Variants in LBP observed in about 807,000 individuals in gnomAD.
The protein encoded by LBP is lipopolysaccharide binding protein, also known as lipopolysaccharide-binding protein.
LBP carries 53 observed loss-of-function variants against 56.6 expected under a neutral mutation model. That is an observed-to-expected ratio of 0.94 (90% CI 0.75 to 1.18). The LOEUF is 1.18. Ranked by LOEUF, LBP falls within the 50% of genes most tolerant of loss-of-function variation. The pLI, the probability that LBP is intolerant of heterozygous loss-of-function variation, is 0.00. For synonymous variants in LBP, 227 were observed against 247.5 expected, an observed-to-expected ratio of 0.92 and a Z score of 0.78; for missense variants, 601 against 598.3, an observed-to-expected ratio of 1.00 and a Z score of -0.05.
At chr20:38,374,610 A>G (rs2076911710) in intron 14 of LBP, among the ~76,000 whole-genome samples, 1 of 150,418 alleles carries the variant, frequency 6.6e-6, no homozygotes, top group African/African-American at 2.4e-5. Flanking sequence ...AAAAAAAAAG[A>G]AAGAAAAAAA....
intron 8 of LBP, 27 bp downstream of exon 8, chr20:38,364,779 C>CAAATGAA: frequency 6.3e-7 from 1 of 1,577,994 alleles, no homozygotes; most frequent in Non-Finnish European, 8.6e-7. Flanking sequence ...ACAGGTCTCT[C>CAAATGAA]AAATGAACAC....
rs768066984 is a variant in LBP at position 38,369,074 on chromosome 20, G to A, written c.1061G>A (p.Gly354Glu). Residue 354 changes from glycine to glutamate, a missense_variant, in exon 10 of 15, where the codon GGG (glycine) becomes GAG (glutamate). Transcript: ENST00000217407. ...PSAPLLNFSP[G>E]NLSVDPYMEI... The stretch of plus-strand genomic sequence containing the variant: ...GCTCCGCTCCTGAACTTCAGCCCTG[G>A]GAATCTGTCTGTGGACCCCTATATG... 1 of 1,614,138 alleles carries A rather than the reference G, an allele frequency of 6.2e-7. No homozygotes were observed. The highest frequency in any genetic ancestry group is 1.7e-5 in the Admixed American group (1 of 60,020).
chr20:38,369,738 C>A (rs1434777149), intron 10 of LBP, among the ~76,000 whole-genome samples: 1 of 152,194 alleles, frequency 6.6e-6, no homozygotes, highest in Non-Finnish European at 1.5e-5. Flanking sequence ...GTGGATACAG[C>A]CTCCTGTCTC....
At chr20:38,376,492 C>G in intron 14 of LBP, 133 bp from the exon 15 acceptor site, 1 of 795,150 alleles carries the variant, frequency 1.3e-6, no homozygotes, top group Non-Finnish European at 2.2e-6. Context: ...GAGGCACACT[C>G]GCAATTTATG....
intron 12 of LBP, among the ~76,000 whole-genome samples, chr20:38,371,988 A>G (rs2076902386): frequency 6.6e-6 from 1 of 152,236 alleles, no homozygotes; most frequent in South Asian, 2.1e-4. Context: ...AAGACTGGCA[A>G]GGAGGGTTGT....
chr20:38,369,361 CCCCATTAT>C (rs1317534519), intron 10 of LBP, among the ~76,000 whole-genome samples, 199 bp downstream of exon 10: 3 of 152,168 alleles, frequency 2.0e-5, no homozygotes, highest in African/African-American at 4.8e-5. Context: ...TCTTGTAACA[CCCCATTAT>C]CTTTCTTCTC....
intron 9 of LBP, among the ~76,000 whole-genome samples, chr20:38,368,523 C>G (rs189362025): frequency 6.5e-4 from 99 of 152,222 alleles, no homozygotes; most frequent in African/African-American, 2.3e-3. Context: ...CGCTTGAACC[C>G]CAGAGGCAGA....
rs1251757568 is a variant in LBP at position 38,364,730 on chromosome 20, ACTT to A, written c.902_904del (p.Phe301del). ...GTTTATCATGAGGAAGGATATCTGA[ACTT>A]CTCCATCACAGATGACATGGTGAGG... On this transcript the variant is annotated inframe_deletion, in exon 8 of 15. Coordinates refer to ENST00000217407, the MANE Select transcript of LBP (RefSeq NM_004139.5). 2 of 1,612,560 alleles carry A rather than the reference ACTT, an allele frequency of 1.2e-6. No individual in the cohort carries two copies. Among genetic ancestry groups the A allele is most frequent in the African/African-American group, 2.7e-5 (2 of 75,004 alleles).
chr20:38,370,693 C>G (rs762534436), intron 10 of LBP, 45 bp from the exon 11 acceptor site: 1 of 1,539,560 alleles, frequency 6.5e-7, no homozygotes, highest in Non-Finnish European at 9.0e-7. Flanking sequence ...CCTATACATA[C>G]AACCTTCATC....
At chr20:38,355,218 C>T in intron 4 of LBP, 128 bp from the exon 5 acceptor site, 1 of 789,812 alleles carries the variant, frequency 1.3e-6, no homozygotes, top group South Asian at 1.5e-5. Context: ...TGCTGGGACA[C>T]AGCAGGGCGC....
At chr20:38,361,896 A>G (rs557762561) in intron 6 of LBP, among the ~76,000 whole-genome samples, 12 of 151,984 alleles carry the variant, frequency 7.9e-5, no homozygotes, top group Admixed American at 2.0e-4. Context: ...CCACCATCCC[A>G]ACTTCTACCA....
rs369712126 is a variant in LBP at position 38,376,657 on chromosome 20, C to T, written c.1434C>T (p.Tyr478=). ...TGTTCTTGGGTGCCAATGTCCAATA[C>T]ATGAGAGTTTGAGGACAAGAAAGAT... The part of the protein sequence containing the change: ...DFLFLGANVQ[Y]MRV The change falls in exon 15 of 15, where the codon TAC becomes TAT. Residue 478 remains tyrosine (Y), a synonymous_variant. Transcript: ENST00000217407. 1 of 1,613,974 alleles carries T rather than the reference C, an allele frequency of 6.2e-7. No homozygotes were observed. Among genetic ancestry groups the T allele is most frequent in the Non-Finnish European group, 8.5e-7 (1 of 1,179,808 alleles).
intron 5 of LBP, among the ~76,000 whole-genome samples, chr20:38,358,091 G>T (rs780730500): frequency 6.6e-6 from 1 of 152,122 alleles, no homozygotes; most frequent in Non-Finnish European, 1.5e-5. Context: ...GACTAAGAAT[G>T]CCTAACCTCC....
intron 1 of LBP, among the ~76,000 whole-genome samples, chr20:38,348,940 C>T (rs2076810965): frequency 6.6e-6 from 1 of 152,088 alleles, no homozygotes; most frequent in Admixed American, 6.6e-5. Flanking sequence ...ACTACAGGTG[C>T]CTGCCACCAT....
Position 38,366,774 on chromosome 20 carries a change from G to T in LBP, c.927G>T (p.Pro309=), listed in dbSNP as rs113037634. 5.9e-5 allele frequency: 95 copies of T among 1,613,888 alleles called. No homozygotes were observed. The Admixed American group carries it at 1.5e-3, about 26-fold the overall frequency. The part of the protein sequence containing the change: ...LNFSITDDMI[P]PDSNIRLTTK... Reference sequence around the variant, plus strand: ...TTCATGTCTCTTTGCTGCAGATACCGCCTGACTCTAATATCCGACTGACCA... The same window carrying T: ...TTCATGTCTCTTTGCTGCAGATACCTCCTGACTCTAATATCCGACTGACCA... Residue 309 remains proline, a synonymous_variant, in exon 9 of 15, where the codon CCG becomes CCT. Coordinates refer to ENST00000217407, the MANE Select transcript of LBP (RefSeq NM_004139.5).
At chr20:38,372,961 G>T (rs2076905491) in intron 12 of LBP, 111 bp from the exon 13 acceptor site, 4 of 831,228 alleles carry the variant, frequency 4.8e-6, no homozygotes, top group Non-Finnish European at 8.1e-6. Flanking sequence ...TAAAATAGTA[G>T]CATGATGTAA....
At position 38,354,417 on chromosome 20, in the gene LBP, G is replaced by A. The variant is rs759636611; in HGVS notation, c.502G>A (p.Val168Met). ...CAGCAGTGACATCGCTGACGTGGAG[G>A]TGGACATGTCGGGAGACTTGGGGTA... is the stretch of plus-strand genomic sequence containing the variant. ...SCSSDIADVEVDMSGDLGWLL... is the reference protein window; with the variant it reads ...SCSSDIADVEMDMSGDLGWLL... The change falls in exon 4 of 15, where the codon GTG (valine) becomes ATG (methionine). Residue 168 changes from valine to methionine, a missense_variant. Transcript: ENST00000217407. The A allele has an allele frequency of 1.9e-6, 3 of 1,612,864 alleles. No individual in the cohort carries two copies. The highest frequency in any genetic ancestry group is 2.2e-5 in the East Asian group (1 of 44,852).
intron 7 of LBP, 138 bp from the exon 8 acceptor site, chr20:38,364,438 C>A: frequency 2.4e-6 from 2 of 817,974 alleles, no homozygotes; most frequent in East Asian, 2.4e-5. Flanking sequence ...CATTAAAAGA[C>A]ATAACACTGC....
chr20:38,360,166 C>A (rs1018645914), intron 5 of LBP, among the ~76,000 whole-genome samples: 1 of 151,370 alleles, frequency 6.6e-6, no homozygotes, highest in Non-Finnish European at 1.5e-5. Context: ...GCAGGAGAAT[C>A]GCTTGAACCC....
Sources: gnomAD v4.1 joint callset for allele counts (sites outside exome capture counted in the v4.1 genomes callset) on GRCh38, gnomAD v4.1.1 for gene constraint, MANE v1.5 for transcripts, NCBI Gene and HGNC (gene_info 2026-07-23, HGNC 2026-07-21) for gene names.